The following AHI1 variants were observed in gnomAD, a reference collection of about 807,000 sequenced individuals.
AHI1 encodes the protein Abelson helper integration site 1, also known as jouberin.
AHI1 carries 123 observed loss-of-function variants against 149.3 expected under a neutral mutation model. The ratio of observed to expected loss-of-function variants is 0.82; its 90% CI spans 0.71 to 0.96. The LOEUF (loss-of-function observed/expected upper bound fraction) is 0.96, where lower values mean the gene tolerates loss of function less well. Ranked by LOEUF, AHI1 falls within the 40% of genes least tolerant of loss-of-function variation. The pLI is 0.00. For synonymous variants in AHI1, 475 were observed against 459.8 expected (o/e 1.03, Z -0.42); for missense variants, 1,439 against 1,422.7 (o/e 1.01, Z -0.18).
At chr6:135,329,657 G>A (rs1298323247) in intron 24 of AHI1, among the ~76,000 whole-genome samples, 5 of 152,206 alleles carry the variant, frequency 3.3e-5, no homozygotes, top group African/African-American at 1.2e-4. Flanking sequence ...ATGGATCAAG[G>A]AGTAGTTTTG....
intron 23 of AHI1, among the ~76,000 whole-genome samples, chr6:135,389,174 G>A (rs904634631): frequency 3.3e-5 from 5 of 152,098 alleles, no homozygotes; most frequent in East Asian, 1.9e-4. Context: ...AGCCAGGCAT[G>A]GTGGCGGGCA....
intron 5 of AHI1, among the ~76,000 whole-genome samples, chr6:135,477,238 C>T (rs1792821122): frequency 1.3e-5 from 2 of 151,992 alleles, no homozygotes; most frequent in Non-Finnish European, 2.9e-5. Context: ...GACGGGGTTT[C>T]ACTGTGTTAG....
intron 22 of AHI1, among the ~76,000 whole-genome samples, chr6:135,403,143 T>C (rs1185198088): frequency 6.6e-6 from 1 of 152,166 alleles, no homozygotes; most frequent in African/African-American, 2.4e-5. Context: ...CAAGAGTTTG[T>C]ATTTGGAGTG....
Position 135,457,549 on chromosome 6 carries a change from C to T in AHI1, c.1096G>A (p.Val366Ile). The change falls in exon 9 of 29, where the codon GTA becomes ATA. Residue 366 changes from valine to isoleucine, a missense_variant. Transcript: ENST00000265602. Reference sequence around the variant, plus strand: ...TGCTCATCAACCACATGAATTTTTACCATTGGGTGAGAAATCATAAAATCT... The same window carrying T: ...TGCTCATCAACCACATGAATTTTTATCATTGGGTGAGAAATCATAAAATCT... ...KSDFMISHPM[V>I]KIHVVDEHTG... 1 of 1,613,882 alleles carries T rather than the reference C, an allele frequency of 6.2e-7. No homozygotes were observed.
At chr6:135,305,301 T>A (rs1784412941) in intron 26 of AHI1, 1 of 152,254 alleles carries the variant, frequency 6.6e-6, no homozygotes, top group Non-Finnish European at 1.5e-5. Context: ...TGTAACAACT[T>A]AGCAATGGTT....
At chr6:135,370,362 C>A (rs1774859411) in intron 23 of AHI1, among the ~76,000 whole-genome samples, 1 of 152,210 alleles carries the variant, frequency 6.6e-6, no homozygotes. Context: ...CTCTGCCTTA[C>A]TCCCAGTTTC....
intron 23 of AHI1, among the ~76,000 whole-genome samples, chr6:135,358,655 T>A (rs1041493331): frequency 1.3e-5 from 2 of 152,234 alleles, no homozygotes; most frequent in African/African-American, 4.8e-5. Context: ...TACTATGACA[T>A]ACTCTATTTA....
rs1226656876 is a variant in AHI1 at position 135,404,366 on chromosome 6, T to C, written c.2988+585A>G. Among the ~76,000 whole-genome samples, 6 of 152,344 alleles carry C rather than the reference T, an allele frequency of 3.9e-5. No homozygotes were observed. The East Asian group carries it at 9.6e-4, about 24-fold the overall frequency. On this transcript the variant is annotated intron_variant, in intron 22 of 28. Coordinates refer to ENST00000265602, the MANE Select transcript of AHI1 (RefSeq NM_001134831.2). ...ACTAATCGAGAGCCTTTTTGTACACTACCATTTTTAGACTAACTTGGGACC... is the reference window on the plus strand; with the variant it reads ...ACTAATCGAGAGCCTTTTTGTACACCACCATTTTTAGACTAACTTGGGACC...
intron 20 of AHI1, among the ~76,000 whole-genome samples, chr6:135,416,050 C>A (rs890566316): frequency 1.3e-5 from 2 of 152,088 alleles, no homozygotes; most frequent in African/African-American, 4.8e-5. Flanking sequence ...TGTTCATTAT[C>A]TTGATTGAGG....
At chr6:135,488,276 G>A (rs911286946) in intron 5 of AHI1, among the ~76,000 whole-genome samples, 8 of 151,956 alleles carry the variant, frequency 5.3e-5, no homozygotes, top group African/African-American at 7.2e-5. Flanking sequence ...GTACTGTCCC[G>A]GGATACTTAT....
chr6:135,490,236 G>A, intron 5 of AHI1: 1 of 722,084 alleles, frequency 1.4e-6, no homozygotes, highest in South Asian at 1.5e-5. Context: ...CTGTTGGGTA[G>A]AATCACACAG....
chr6:135,434,149 G>A (rs1462258736), intron 15 of AHI1, among the ~76,000 whole-genome samples: 1 of 151,772 alleles, frequency 6.6e-6, no homozygotes, highest in Non-Finnish European at 1.5e-5. Flanking sequence ...TTTAATTACT[G>A]CTTGAAAACT....
chr6:135,331,364 C>T (rs993961477), intron 24 of AHI1, among the ~76,000 whole-genome samples: 1 of 152,138 alleles, frequency 6.6e-6, no homozygotes, highest in Non-Finnish European at 1.5e-5. Flanking sequence ...GTTGCTTGGT[C>T]ATAATCATGG....
At chr6:135,294,698 C>CAAAAAAAAAAAAAAAAAAAAAAAAAAA (rs56734547) in intron 27 of AHI1, among the ~76,000 whole-genome samples, 3 of 68,012 alleles carry the variant, frequency 4.4e-5, no homozygotes, top group Admixed American at 1.9e-4. Flanking sequence ...TCTCCAAATG[C>CAAAAAAAAAAAAAAAAAAAAAAAAAAA]AAAAAAAAAA....
intron 26 of AHI1, chr6:135,302,588 C>A: frequency 8.9e-7 from 1 of 1,129,468 alleles, no homozygotes; most frequent in Non-Finnish European, 1.1e-6. Flanking sequence ...GGCAGCTTAG[C>A]CTGTGTTCAA....
intron 10 of AHI1, among the ~76,000 whole-genome samples, chr6:135,455,159 T>C (rs1788721213): frequency 6.6e-6 from 1 of 152,206 alleles, no homozygotes; most frequent in Non-Finnish European, 1.5e-5. Flanking sequence ...AAATCACTTT[T>C]ATTCCAAACC....
At position 135,472,018 on chromosome 6, in the gene AHI1, C is replaced by CAAAAA. The variant is rs541390652; in HGVS notation, c.136-4389_136-4385dup. ...TGGGCGACAGAGCGAGACTCCGTCT[C>CAAAAA]AAAAAAAAAAAAAAAAAAAAAAAAA... On this transcript the variant is annotated intron_variant, in intron 5 of 28. Coordinates refer to ENST00000265602, the MANE Select transcript of AHI1 (RefSeq NM_001134831.2). 9.3e-3 allele frequency among the ~76,000 whole-genome samples: 506 copies of CAAAAA among 54,430 alleles called. 78 individuals carry two copies. Among genetic ancestry groups the CAAAAA allele is most frequent in the East Asian group, 0.026 (35 of 1,334 alleles). The allele number at this position is 54,430 out of a possible 152,430, so 35.7% of individuals were successfully genotyped here. A position where few individuals can be genotyped will look rare whatever the true frequency, so the allele number is the denominator to read the frequency against.
At chr6:135,359,865 T>G (rs1180334802) in intron 23 of AHI1, among the ~76,000 whole-genome samples, 2 of 151,960 alleles carry the variant, frequency 1.3e-5, no homozygotes, top group Non-Finnish European at 2.9e-5. Context: ...CAGGCAAAAA[T>G]CTATATATAC....
chr6:135,447,172 T>A lies in AHI1; in HGVS notation c.1627-12A>T. The A allele has an allele frequency of 1.3e-6, 2 of 1,499,364 alleles. No homozygotes were observed. The highest frequency in any genetic ancestry group is 1.8e-6 in the Non-Finnish European group (2 of 1,122,482). 92.9% of individuals were successfully genotyped at this position (1,499,364 alleles called of 1,614,324 possible). A position where few individuals can be genotyped will look rare whatever the true frequency, so the allele number is the denominator to read the frequency against. On this transcript the variant is annotated splice_polypyrimidine_tract_variant and intron_variant, in intron 12 of 28. Transcript: ENST00000265602. ...TAAGATGGCTTTATCTAAATATGCA[T>A]TAAAATATGAAAATTTATATACCAT...
Sources: allele counts gnomAD v4.1 joint callset (sites outside exome capture counted in the v4.1 genomes callset), GRCh38; gene constraint gnomAD v4.1.1; transcripts MANE v1.5; gene names NCBI Gene and HGNC (gene_info 2026-07-23, HGNC 2026-07-21).